CNTNAP2: variants seen among roughly 807,000 people sequenced by gnomAD.
CNTNAP2 encodes the protein contactin associated protein 2.
CNTNAP2 carries 98 observed loss-of-function variants against 155.2 expected under a neutral mutation model. The ratio of observed to expected loss-of-function variants is 0.63; its 90% confidence interval spans 0.54 to 0.75. The LOEUF (loss-of-function observed/expected upper bound fraction) is 0.75, where lower values mean the gene tolerates loss of function less well. CNTNAP2 is among the 30% of genes least tolerant of loss of function. CNTNAP2 has a pLI of 0.00. For synonymous variants in CNTNAP2, 651 were observed against 631.2 expected, an observed-to-expected ratio of 1.03 and a Z score of -0.47; for missense variants, 1,727 against 1,688.1, an observed-to-expected ratio of 1.02 and a Z score of -0.40.
At chr7:146,233,043 A>T (rs888475211) in intron 1 of CNTNAP2, among the ~76,000 whole-genome samples, 4 of 152,192 alleles carry the variant, frequency 2.6e-5, no homozygotes, top group Non-Finnish European at 4.4e-5. Context: ...AACATAATCT[A>T]CATGTTAGAG....
chr7:146,129,995 C>T (rs1797691432), intron 1 of CNTNAP2, among the ~76,000 whole-genome samples: 2 of 152,162 alleles, frequency 1.3e-5, no homozygotes, highest in Admixed American at 6.6e-5. Context: ...AAGAGGACAA[C>T]CTCACAATTC....
Position 148,021,264 on chromosome 7 carries a change from G to A in CNTNAP2, c.2383+43275G>A, listed in dbSNP as rs1044698219. Among the ~76,000 whole-genome samples, 4 of 152,124 alleles carry A rather than the reference G, an allele frequency of 2.6e-5. No homozygotes were observed. In the East Asian group the frequency reaches 7.7e-4, roughly 29 times the overall value. On this transcript the variant is annotated intron_variant, in intron 15 of 23. Coordinates refer to ENST00000361727, the MANE Select transcript of CNTNAP2 (RefSeq NM_014141.6). ...TTAAACACACCTGAACACTTGTTAT[G>A]TGCCACTGTCGGCCACGTATTAGGG...
At chr7:148,304,472 C>A (rs1194065095) in intron 21 of CNTNAP2, among the ~76,000 whole-genome samples, 1 of 152,088 alleles carries the variant, frequency 6.6e-6, no homozygotes, top group Non-Finnish European at 1.5e-5. Flanking sequence ...AATATATTCA[C>A]CTGCTACTTG....
At chr7:147,416,604 C>A (rs1373636840) in intron 10 of CNTNAP2, among the ~76,000 whole-genome samples, 1 of 152,106 alleles carries the variant, frequency 6.6e-6, no homozygotes, top group African/African-American at 2.4e-5. Flanking sequence ...AATTCGTTGG[C>A]TCGATTTATC....
intron 4 of CNTNAP2, among the ~76,000 whole-genome samples, chr7:147,084,442 A>G (rs1443707550): frequency 7.4e-6 from 1 of 135,358 alleles, no homozygotes; most frequent in Non-Finnish European, 1.6e-5. Flanking sequence ...TGTATATATA[A>G]TACATATATG....
chr7:147,645,973 T>C (rs1795359064), intron 13 of CNTNAP2, among the ~76,000 whole-genome samples: 2 of 152,286 alleles, frequency 1.3e-5, no homozygotes, highest in Admixed American at 6.5e-5. Context: ...AGGATTTTAT[T>C]TGAATGGCAA....
intron 3 of CNTNAP2, among the ~76,000 whole-genome samples, chr7:146,842,998 T>TAAACAACCAGATCTCCTGGGAA: frequency 7.5e-4 from 42 of 55,786 alleles, no homozygotes; most frequent in African/African-American, 4.0e-3. Context: ...CCCACACTTT[T>TAAACAACCAGATCTCCTGGGAA]TTTTTTTTTT....
chr7:146,757,303 G>A (rs550028392), intron 1 of CNTNAP2, among the ~76,000 whole-genome samples: 17 of 152,176 alleles, frequency 1.1e-4, no homozygotes, highest in Admixed American at 5.2e-4. Context: ...CACAGTAACT[G>A]CTTCAAACCT....
intron 12 of CNTNAP2, among the ~76,000 whole-genome samples, chr7:147,612,323 T>C (rs753819672): frequency 1.3e-5 from 2 of 152,130 alleles, no homozygotes; most frequent in Non-Finnish European, 2.9e-5. Context: ...TCATATGGAA[T>C]ATTTCATGTT....
intron 12 of CNTNAP2, among the ~76,000 whole-genome samples, chr7:147,568,854 A>T (rs943111997): frequency 6.6e-6 from 1 of 152,154 alleles, no homozygotes; most frequent in African/African-American, 2.4e-5. Flanking sequence ...ATAATGCTCG[A>T]TCCAGCCATT....
At chr7:148,337,417 G>T (rs1798139792) in intron 21 of CNTNAP2, among the ~76,000 whole-genome samples, 1 of 152,130 alleles carries the variant, frequency 6.6e-6, no homozygotes, top group Non-Finnish European at 1.5e-5. Flanking sequence ...AATCACCCAG[G>T]AAGCTCCTTC....
chr7:146,911,173 T>A (rs1315125207), intron 3 of CNTNAP2, among the ~76,000 whole-genome samples: 1 of 152,014 alleles, frequency 6.6e-6, no homozygotes, highest in Non-Finnish European at 1.5e-5. Context: ...CTGGACATGA[T>A]GTGGAGAAAT....
At chr7:146,338,029 A>G (rs1327188891) in intron 1 of CNTNAP2, among the ~76,000 whole-genome samples, 1 of 152,168 alleles carries the variant, frequency 6.6e-6, no homozygotes, top group East Asian at 1.9e-4. Context: ...CACTGCAAAG[A>G]TGGCCTTTTC....
At chr7:147,704,029 A>G (rs1385375994) in intron 13 of CNTNAP2, among the ~76,000 whole-genome samples, 1 of 152,186 alleles carries the variant, frequency 6.6e-6, no homozygotes, top group Non-Finnish European at 1.5e-5. Flanking sequence ...GCTGTAAATG[A>G]CATAATTTCA....
intron 15 of CNTNAP2, among the ~76,000 whole-genome samples, chr7:147,990,060 T>G (rs200258352): frequency 1.3e-5 from 2 of 152,002 alleles, no homozygotes; most frequent in Non-Finnish European, 2.9e-5. Flanking sequence ...ACTACAAATT[T>G]GGGGTTGCTA....
At chr7:147,144,356 T>C (rs1202165081) in intron 8 of CNTNAP2, among the ~76,000 whole-genome samples, 3 of 152,196 alleles carry the variant, frequency 2.0e-5, no homozygotes, top group Non-Finnish European at 4.4e-5. Context: ...CACCTTTATC[T>C]TGGGTTCACG....
At chr7:148,409,543 T>C in intron 23 of CNTNAP2, 72 bp downstream of exon 23, 1 of 1,372,314 alleles carries the variant, frequency 7.3e-7, no homozygotes, top group Non-Finnish European at 1.0e-6. Flanking sequence ...AATAACATAG[T>C]AGTCTAGGAA....
intron 1 of CNTNAP2, among the ~76,000 whole-genome samples, chr7:146,157,825 A>T (rs528549358): frequency 6.6e-6 from 1 of 152,230 alleles, no homozygotes; most frequent in Non-Finnish European, 1.5e-5. Flanking sequence ...ATAGTTGAAC[A>T]AAAGGCAGCA....
At chr7:147,899,250 G>A (rs1213652257) in intron 13 of CNTNAP2, among the ~76,000 whole-genome samples, 6 of 152,180 alleles carry the variant, frequency 3.9e-5, no homozygotes, top group Non-Finnish European at 4.4e-5. Context: ...TGAGGTGGGA[G>A]GATGGCTTGA....
Sources: allele counts gnomAD v4.1 joint callset (sites outside exome capture counted in the v4.1 genomes callset), GRCh38; gene constraint gnomAD v4.1.1; transcripts MANE v1.5; gene names NCBI Gene and HGNC (gene_info 2026-07-23, HGNC 2026-07-21).